The following CLN8 variants were observed in gnomAD, a reference collection of about 807,000 sequenced individuals.
CLN8 encodes protein CLN8.
CLN8 carries 14 observed loss-of-function variants against 15.7 expected under a neutral mutation model. The observed-to-expected ratio is 0.89, with a 90% confidence interval of 0.59 to 1.39. The LOEUF (loss-of-function observed/expected upper bound fraction) is 1.39, where lower values mean the gene tolerates loss of function less well. Among genes scored for constraint, CLN8 ranks in the 40% most tolerant of loss-of-function variants. The pLI is 0.00. For missense variants in CLN8, 415 were observed against 364.0 expected (o/e 1.14, Z -1.14); for synonymous variants, 188 against 151.0 (o/e 1.25, Z -1.80).
chr8:1,767,065 C>T (rs1393487227), intron 1 of CLN8, among the ~76,000 whole-genome samples: 1 of 152,220 alleles, frequency 6.6e-6, no homozygotes, highest in Non-Finnish European at 1.5e-5. Context: ...GGGCTGGATC[C>T]TGCCTCTGGG....
chr8:1,781,191 C>G lies in CLN8; in HGVS notation c.*624C>G, dbSNP rs1009152677. 3.9e-5 allele frequency: 6 copies of G among 152,450 alleles called. No homozygotes were observed. The highest frequency in any genetic ancestry group is 6.6e-5 in the Admixed American group (1 of 15,264). The allele number at this position is 152,450 out of a possible 1,614,324, so 9.4% of individuals were successfully genotyped here. On this transcript the variant is annotated 3_prime_UTR_variant, in exon 3 of 3. Transcript: ENST00000331222. ...TGGTCAAGATGGTGAAACCCCATCT[C>G]TACTAAAATTACAAAAATTAGCCGG...
chr8:1,778,738 G>T (rs1380072832), intron 2 of CLN8, among the ~76,000 whole-genome samples: 1 of 152,208 alleles, frequency 6.6e-6, no homozygotes, highest in African/African-American at 2.4e-5. Flanking sequence ...AAGGACTCCC[G>T]TGACAGTTGT....
chr8:1,774,930 G>T (rs758897283), intron 2 of CLN8, among the ~76,000 whole-genome samples: 3 of 152,182 alleles, frequency 2.0e-5, no homozygotes, highest in African/African-American at 7.2e-5. Flanking sequence ...ACAGTGAGCT[G>T]TGATTACGCC....
intron 2 of CLN8, among the ~76,000 whole-genome samples, chr8:1,772,274 C>T (rs551671013): frequency 1.5e-4 from 23 of 151,946 alleles, no homozygotes; most frequent in Non-Finnish European, 2.8e-4. Flanking sequence ...AATATCTGTG[C>T]GTACACACAT....
At chr8:1,753,569 C>CA (rs71190758), upstream of CLN8, among the ~76,000 whole-genome samples, 1,649 of 102,548 alleles carry the variant, frequency 0.016, 72 homozygotes, top group African/African-American at 0.059. Flanking sequence ...GAAACTGTTT[C>CA]AAAAAAAAAA....
intron 1 of CLN8, among the ~76,000 whole-genome samples, chr8:1,756,345 G>A (rs1028019403): frequency 1.8e-4 from 28 of 152,104 alleles, no homozygotes; most frequent in African/African-American, 6.3e-4. Context: ...TTAGCCGGGT[G>A]TAGTGGTATG....
In CLN8 at chr8:1,783,003, G is replaced by C. The variant is rs1256544261; in HGVS notation, c.*2436G>C. The C allele has an allele frequency of 6.6e-6, 1 of 152,368 alleles. No individual in the cohort carries two copies. The highest frequency in any genetic ancestry group is 1.5e-5 in the Non-Finnish European group (1 of 68,168). 9.4% of individuals were successfully genotyped at this position (152,368 alleles called of 1,614,324 possible). A position where few individuals can be genotyped will look rare whatever the true frequency, so the allele number is the denominator to read the frequency against. ...CACACATTGGTCCGGGGACCCCTCA[G>C]TGCAGAGCCTGAAGTTGGGGGTTTA... On this transcript the variant is annotated 3_prime_UTR_variant, in exon 3 of 3. Transcript: ENST00000331222.
upstream of CLN8, among the ~76,000 whole-genome samples, chr8:1,761,343 G>C (rs1172579268): frequency 1.3e-5 from 2 of 151,612 alleles, no homozygotes; most frequent in Admixed American, 1.3e-4. Context: ...TGTTGTTTTT[G>C]AGATGGAGTC....
upstream of CLN8, chr8:1,760,309 G>A (rs777586138): frequency 6.6e-6 from 1 of 152,158 alleles, no homozygotes; most frequent in Non-Finnish European, 1.5e-5. Flanking sequence ...AATGTTTGTT[G>A]TGTCATTCGA....
In CLN8 at chr8:1,785,251, A is replaced by T. The variant is rs1801803022; in HGVS notation, c.*4684A>T. ...TGGGTGCTCCTTTGTGCTCTGTCCTACGGTGACACAGGCGGCGTGGGGTTA... is the reference window on the plus strand; with the variant it reads ...TGGGTGCTCCTTTGTGCTCTGTCCTTCGGTGACACAGGCGGCGTGGGGTTA... On this transcript the variant is annotated 3_prime_UTR_variant, in exon 3 of 3. Coordinates refer to ENST00000331222, the MANE Select transcript of CLN8 (RefSeq NM_018941.4). 1 of 184,942 alleles carries T rather than the reference A, an allele frequency of 5.4e-6. No individual in the cohort carries two copies. The highest frequency in any genetic ancestry group is 1.2e-5 in the Non-Finnish European group (1 of 84,908). 11.5% of individuals were successfully genotyped at this position (184,942 alleles called of 1,614,324 possible).
In CLN8 at chr8:1,783,698, G is replaced by C. The variant is rs1004575146; in HGVS notation, c.*3131G>C. Reference sequence around the variant, plus strand: ...CTGGAGTTGTCATGGCCGCAGTTCAGTGTGAGATTTTTTACCAGGTATTGC... The same window carrying C: ...CTGGAGTTGTCATGGCCGCAGTTCACTGTGAGATTTTTTACCAGGTATTGC... On this transcript the variant is annotated 3_prime_UTR_variant, in exon 3 of 3. Coordinates refer to ENST00000331222, the MANE Select transcript of CLN8 (RefSeq NM_018941.4). 6.6e-6 allele frequency: 1 copy of C among 152,206 alleles called. No individual in the cohort carries two copies. The highest frequency in any genetic ancestry group is 1.5e-5 in the Non-Finnish European group (1 of 68,082). 9.4% of individuals were successfully genotyped at this position (152,206 alleles called of 1,614,324 possible).
chr8:1,773,714 A>T (rs1055608052), intron 2 of CLN8: 3 of 152,300 alleles, frequency 2.0e-5, no homozygotes, highest in Non-Finnish European at 4.4e-5. Context: ...ATCAGTGTGG[A>T]GTGGAGAGGT....
rs1015504418 is a variant in CLN8, at chr8:1,780,400, A to C, written c.694A>C (p.Thr232Pro). The C allele has an allele frequency of 1.2e-5, 20 of 1,614,058 alleles. No individual in the cohort carries two copies. Among genetic ancestry groups the C allele is most frequent in the Non-Finnish European group, 1.6e-5 (19 of 1,180,034 alleles). ...LVSSLYLPHL[T>P]LFLVGLALLT... is the part of the protein sequence containing the mutation. ...CAGCAGCCTGTATCTGCCTCATTTG[A>C]CACTGTTCCTTGTCGGACTGGCTCT... Residue 232 changes from threonine (T) to proline (P), a missense_variant, in exon 3 of 3, where the codon ACA becomes CCA. Transcript: ENST00000331222.
At chr8:1,758,286 C>T (rs910354905) in intron 1 of CLN8, 2 of 151,774 alleles carry the variant, frequency 1.3e-5, no homozygotes, top group African/African-American at 4.8e-5. Context: ...AAACATTATA[C>T]ACGGCCCTTA....
At chr8:1,776,916 CTGGA>C (rs1336682388) in intron 2 of CLN8, among the ~76,000 whole-genome samples, 1 of 152,178 alleles carries the variant, frequency 6.6e-6, no homozygotes, top group Non-Finnish European at 1.5e-5. Flanking sequence ...GGGCAGCAGT[CTGGA>C]TGGTTTACAC....
intron 1 of CLN8, among the ~76,000 whole-genome samples, chr8:1,767,557 G>GTTTC (rs1801114364): frequency 4.7e-5 from 5 of 107,120 alleles, no homozygotes; most frequent in East Asian, 5.9e-4. Flanking sequence ...TGCTCTGTAT[G>GTTTC]TTTCTTTCTT....
intron 2 of CLN8, among the ~76,000 whole-genome samples, chr8:1,778,720 G>T (rs957303762): frequency 6.6e-6 from 1 of 152,238 alleles, no homozygotes; most frequent in African/African-American, 2.4e-5. Context: ...TCCCCTCTGA[G>T]ACCTGGGAAG....
At chr8:1,761,567 C>A (rs151241144), upstream of CLN8, among the ~76,000 whole-genome samples, 499 of 152,320 alleles carry the variant, frequency 3.3e-3, 4 homozygotes, top group African/African-American at 0.011. Context: ...TCAAGTGATC[C>A]GCCTGCCTCG....
At chr8:1,772,970 T>C in intron 2 of CLN8, 1 of 398,586 alleles carries the variant, frequency 2.5e-6, no homozygotes, top group Admixed American at 4.4e-5. Flanking sequence ...AAATCACTCC[T>C]GCCTTCGGGG....
Sources: gnomAD v4.1 joint callset for allele counts (sites outside exome capture counted in the v4.1 genomes callset) on GRCh38, gnomAD v4.1.1 for gene constraint, MANE v1.5 for transcripts, NCBI Gene and HGNC (gene_info 2026-07-23, HGNC 2026-07-21) for gene names.